The following JPT1 variants were observed in gnomAD, a reference collection of about 807,000 sequenced individuals.
JPT1 encodes Jupiter microtubule associated homolog 1.
A neutral mutation model predicts 17.0 loss-of-function variants in JPT1; 5 were observed. That is an observed-to-expected ratio of 0.29 (90% confidence interval 0.15 to 0.62). The LOEUF (loss-of-function observed/expected upper bound fraction) is 0.62. JPT1 is among the 20% of genes least tolerant of loss of function. The probability of loss-of-function intolerance (pLI) is 0.85; values close to 1 mark genes in which losing one functional copy is unlikely to be tolerated. For missense variants in JPT1, 158 were observed against 188.1 expected (o/e 0.84, Z 0.94); for synonymous variants, 71 against 73.6 (o/e 0.96, Z 0.18).
At chr17:75,150,258 C>CTT (rs796385659) in intron 1 of JPT1, among the ~76,000 whole-genome samples, 59 of 145,384 alleles carry the variant, frequency 4.1e-4, no homozygotes, top group African/African-American at 1.4e-3. Flanking sequence ...TTTTTCTTTT[C>CTT]TTTTTTTTTT....
rs1463053660 is a variant in JPT1, at chr17:75,150,854, T to C, written c.57-2183A>G. 6.3e-3 allele frequency among the ~76,000 whole-genome samples: 752 copies of C among 119,276 alleles called. 1 individual carries two copies. The highest frequency in any genetic ancestry group is 9.8e-3 in the Non-Finnish European group (597 of 61,096). The allele number at this position is 119,276 out of a possible 152,430, so 78.2% of individuals were successfully genotyped here. A position where few individuals can be genotyped will look rare whatever the true frequency, so the allele number is the denominator to read the frequency against. On this transcript the variant is annotated intron_variant, in intron 1 of 4. Transcript: ENST00000409753. ...TAAGCAACATTTTTCTTTCTTTTTTTTTTTTTTTTTTTTTTTTGAGACAGA... is the reference window on the plus strand; with the variant it reads ...TAAGCAACATTTTTCTTTCTTTTTTCTTTTTTTTTTTTTTTTTGAGACAGA...
In JPT1 at chr17:75,135,903, A is replaced by G; in HGVS notation, c.*199T>C. The G allele has an allele frequency of 8.9e-7, 1 of 1,123,512 alleles. No individual in the cohort carries two copies. 69.6% of individuals were successfully genotyped at this position (1,123,512 alleles called of 1,614,324 possible). ...TCCCTCCAATCTACTACTAGAAAAC[A>G]CTCATGCCATGGCCCACAGACCCAA... On this transcript the variant is annotated 3_prime_UTR_variant, in exon 5 of 5. Coordinates refer to ENST00000409753, the MANE Select transcript of JPT1 (RefSeq NM_016185.4).
chr17:75,137,685 C>CTTTTTT lies in JPT1; in HGVS notation c.317-1441_317-1436dup, dbSNP rs60118585. Among the ~76,000 whole-genome samples, 22 of 112,844 alleles carry CTTTTTT rather than the reference C, an allele frequency of 1.9e-4. 4 individuals are homozygous for CTTTTTT. Among genetic ancestry groups the CTTTTTT allele is most frequent in the African/African-American group, 4.8e-4 (10 of 20,744 alleles). The allele number at this position is 112,844 out of a possible 152,430, so 74.0% of individuals were successfully genotyped here. On this transcript the variant is annotated intron_variant, in intron 4 of 4. Coordinates refer to ENST00000409753, the MANE Select transcript of JPT1 (RefSeq NM_016185.4). ...TCACCCTTCACACAGCCTAGTTTTCCTTTTTTTTTTTTTTTTTTTTTTTTT... is the reference window on the plus strand; with the variant it reads ...TCACCCTTCACACAGCCTAGTTTTCCTTTTTTTTTTTTTTTTTTTTTTTTTTTTTTT...
rs1486391744 is a variant in JPT1 at position 75,136,154 on chromosome 17, A to G, written c.413T>C (p.Val138Ala). The G allele has an allele frequency of 1.9e-6, 3 of 1,614,178 alleles. No individual in the cohort carries two copies. The highest frequency in any genetic ancestry group is 1.3e-5 in the African/African-American group (1 of 75,058). The change falls in exon 5 of 5, where the codon GTG becomes GCG. Residue 138 changes from valine to alanine, a missense_variant. Transcript: ENST00000409753. ...PVPSPVAPAP[V>A]PSRRNPPGGK... ...GCCAGGGGGATTTCTTCTGGATGGC[A>G]CTGGGGCCGGGGCCACCGGGCTGGG...
chr17:75,136,318 T>C (rs780221427), intron 4 of JPT1, 68 bp from the exon 5 acceptor site: 1 of 1,462,442 alleles, frequency 6.8e-7, no homozygotes, highest in Non-Finnish European at 9.1e-7. Flanking sequence ...CAAGGATCTG[T>C]TTCTCTTTTT....
intron 1 of JPT1, chr17:75,153,006 T>C (rs1490208410): frequency 6.6e-6 from 1 of 152,200 alleles, no homozygotes; most frequent in Non-Finnish European, 1.5e-5. Context: ...AGGCGTGCTT[T>C]TTGTTCCCAA....
At chr17:75,145,868 G>A (rs534666487) in intron 4 of JPT1, 2 of 152,274 alleles carry the variant, frequency 1.3e-5, no homozygotes, top group East Asian at 3.9e-4. Context: ...TTAAGCTCAG[G>A]GGTTCGAGAC....
intron 4 of JPT1, among the ~76,000 whole-genome samples, chr17:75,143,222 T>C (rs2074361461): frequency 6.6e-6 from 1 of 152,166 alleles, no homozygotes; most frequent in African/African-American, 2.4e-5. Context: ...TAATCGTATT[T>C]CTGTACAGTT....
At chr17:75,136,679 A>G (rs1342142750) in intron 4 of JPT1, among the ~76,000 whole-genome samples, 1 of 152,100 alleles carries the variant, frequency 6.6e-6, no homozygotes, top group Non-Finnish European at 1.5e-5. Context: ...TTTAGTACAG[A>G]TGGGGTTTCA....
intron 2 of JPT1, 97 bp from the exon 3 acceptor site, chr17:75,147,750 G>A: frequency 5.3e-6 from 5 of 951,730 alleles, no homozygotes; most frequent in South Asian, 1.3e-5. Flanking sequence ...TGTAATCTCA[G>A]TGCTTTAGGA....
intron 1 of JPT1, 140 bp from the exon 2 acceptor site, chr17:75,148,811 AAG>A: frequency 1.9e-6 from 2 of 1,035,540 alleles, no homozygotes; most frequent in Non-Finnish European, 2.8e-6. Flanking sequence ...AACAGGAAAA[AAG>A]AATCAACTCC....
At chr17:75,141,513 C>G (rs950352367) in intron 4 of JPT1, among the ~76,000 whole-genome samples, 1 of 151,106 alleles carries the variant, frequency 6.6e-6, no homozygotes, top group Non-Finnish European at 1.5e-5. Flanking sequence ...ATTAGCTAGG[C>G]ATGGTGGTGC....
intron 1 of JPT1, among the ~76,000 whole-genome samples, chr17:75,148,922 T>G (rs1410550707): frequency 6.6e-6 from 1 of 152,210 alleles, no homozygotes; most frequent in Non-Finnish European, 1.5e-5. Context: ...TGAAACAGCA[T>G]GGAACTCATC....
intron 1 of JPT1, chr17:75,153,796 G>A (rs574664872): frequency 6.6e-6 from 1 of 152,114 alleles, no homozygotes; most frequent in African/African-American, 2.4e-5. Context: ...AATAAGGAGT[G>A]GGGGCACGGC....
At chr17:75,137,522 A>ATTT (rs1213619500) in intron 4 of JPT1, among the ~76,000 whole-genome samples, 1 of 138,804 alleles carries the variant, frequency 7.2e-6, no homozygotes. Flanking sequence ...ACAACTGGCT[A>ATTT]TTTTTGTTTT....
chr17:75,146,211 C>T (rs185713376), intron 4 of JPT1, among the ~76,000 whole-genome samples: 292 of 152,212 alleles, frequency 1.9e-3, no homozygotes, highest in Middle Eastern at 6.8e-3. Context: ...TGGAGTATAA[C>T]GGTGTGATCT....
At chr17:75,149,114 G>T in intron 1 of JPT1, 1 of 1,115,228 alleles carries the variant, frequency 9.0e-7, no homozygotes, top group Non-Finnish European at 1.2e-6. Context: ...ACCCTAGGAG[G>T]CCAAGGCAGG....
intron 4 of JPT1, among the ~76,000 whole-genome samples, chr17:75,146,217 G>A (rs550902030): frequency 6.6e-6 from 1 of 152,124 alleles, no homozygotes; most frequent in Non-Finnish European, 1.5e-5. Context: ...ATAACGGTGT[G>A]ATCTCTGCTC....
intron 1 of JPT1, 74 bp downstream of exon 1, chr17:75,154,268 C>A (rs898756582): frequency 5.6e-6 from 7 of 1,244,068 alleles, no homozygotes; most frequent in Non-Finnish European, 1.1e-6. Context: ...CAACGACCGG[C>A]GCGAGGCCCC....
Sources: allele counts gnomAD v4.1 joint callset (sites outside exome capture counted in the v4.1 genomes callset), GRCh38; gene constraint gnomAD v4.1.1; transcripts MANE v1.5; gene names NCBI Gene and HGNC (gene_info 2026-07-23, HGNC 2026-07-21).